Variants in ERBB4 observed in about 807,000 individuals in gnomAD.
The protein encoded by ERBB4 is erb-b2 receptor tyrosine kinase 4, also known as receptor tyrosine-protein kinase erbB-4.
In ERBB4, 42 loss-of-function variants were observed where a neutral mutation model predicts 158.0. That is an observed-to-expected ratio of 0.27 (90% CI 0.21 to 0.34). ERBB4 has a LOEUF of 0.34. Ranked by LOEUF, ERBB4 falls within the 10% of genes least tolerant of loss-of-function variation. ERBB4 has a pLI of 1.00. For synonymous variants in ERBB4, 583 were observed against 558.7 expected (o/e 1.04, Z -0.61); for missense variants, 1,333 against 1,624.1 (o/e 0.82, Z 3.08).
At chr2:212,222,103 G>C (rs1185878313) in intron 1 of ERBB4, among the ~76,000 whole-genome samples, 2 of 151,492 alleles carry the variant, frequency 1.3e-5, no homozygotes, top group Non-Finnish European at 3.0e-5. Context: ...TATATGCTAA[G>C]TATATAAGTG....
intron 1 of ERBB4, among the ~76,000 whole-genome samples, chr2:212,438,818 G>A (rs947053134): frequency 6.6e-6 from 1 of 152,072 alleles, no homozygotes; most frequent in South Asian, 2.1e-4. Flanking sequence ...AAGAATGAAT[G>A]TATAGCAAGA....
intron 1 of ERBB4, among the ~76,000 whole-genome samples, chr2:212,227,088 A>G (rs966085628): frequency 6.6e-6 from 1 of 152,068 alleles, no homozygotes; most frequent in Non-Finnish European, 1.5e-5. Context: ...TCTACTAAAA[A>G]TACAAAAATT....
chr2:211,540,925 T>C (rs1240239655), intron 20 of ERBB4, among the ~76,000 whole-genome samples: 1 of 151,886 alleles, frequency 6.6e-6, no homozygotes, highest in Non-Finnish European at 1.5e-5. Flanking sequence ...ATACAGTATG[T>C]TGTTGTGCTT....
intron 1 of ERBB4, among the ~76,000 whole-genome samples, chr2:212,267,718 T>C (rs2085196574): frequency 6.6e-6 from 1 of 151,546 alleles, no homozygotes; most frequent in African/African-American, 2.4e-5. Context: ...CATTTAACGT[T>C]AGGTGTATCT....
chr2:212,213,529 G>A (rs1329325342), intron 1 of ERBB4, among the ~76,000 whole-genome samples: 1 of 151,818 alleles, frequency 6.6e-6, no homozygotes, highest in East Asian at 1.9e-4. Context: ...GGAAGGAATG[G>A]CTAAGCCCTC....
At chr2:212,197,487 T>C (rs1244780915) in intron 1 of ERBB4, among the ~76,000 whole-genome samples, 1 of 152,176 alleles carries the variant, frequency 6.6e-6, no homozygotes, top group Non-Finnish European at 1.5e-5. Context: ...ATTTTATATA[T>C]GAGGAAACTG....
At chr2:211,442,369 T>C (rs982701280) in intron 20 of ERBB4, among the ~76,000 whole-genome samples, 5 of 134,948 alleles carry the variant, frequency 3.7e-5, no homozygotes, top group African/African-American at 1.4e-4. Flanking sequence ...TGTCCAACTT[T>C]ATCTATAGAC....
At chr2:212,273,669 A>T (rs2085421881) in intron 1 of ERBB4, among the ~76,000 whole-genome samples, 3 of 151,872 alleles carry the variant, frequency 2.0e-5, no homozygotes, top group African/African-American at 7.2e-5. Context: ...TCTATTTTGG[A>T]TCTGTGTCAG....
chr2:212,459,305 T>G lies in ERBB4; in HGVS notation c.82+79144A>C, dbSNP rs558111442. 2.0e-5 allele frequency among the ~76,000 whole-genome samples: 3 copies of G among 152,176 alleles called. No homozygotes were observed. The South Asian group carries it at 6.2e-4, about 32-fold the overall frequency. ...GTCAATTTATTAAGGAAAGTCAGGATGACAATCTTTGGTAATCAAAACTAC... is the reference window on the plus strand; with the variant it reads ...GTCAATTTATTAAGGAAAGTCAGGAGGACAATCTTTGGTAATCAAAACTAC... On this transcript the variant is annotated intron_variant, in intron 1 of 27. Transcript: ENST00000342788.
rs559138107 is a variant in ERBB4, at chr2:211,877,274, G to A, written c.421+70156C>T. ...CAGAATTTATGTGCTGAGGTTGGAT[G>A]AGCAATTAGACAGAACTGTGGGGTC... is the stretch of plus-strand genomic sequence containing the variant. On this transcript the variant is annotated intron_variant, in intron 3 of 27. Transcript: ENST00000342788. Among the ~76,000 whole-genome samples, 7 of 152,328 alleles carry A rather than the reference G, an allele frequency of 4.6e-5. No homozygotes were observed. The East Asian group carries it at 1.3e-3, about 29-fold the overall frequency.
intron 1 of ERBB4, among the ~76,000 whole-genome samples, chr2:212,441,910 G>A (rs968050207): frequency 2.6e-5 from 4 of 152,164 alleles, no homozygotes; most frequent in South Asian, 2.1e-4. Context: ...CTTGACAAAT[G>A]CCTTGTGAAA....
At chr2:212,517,729 G>T (rs76549360) in intron 1 of ERBB4, among the ~76,000 whole-genome samples, 1 of 152,002 alleles carries the variant, frequency 6.6e-6, no homozygotes, top group Non-Finnish European at 1.5e-5. Context: ...TTGATTACAG[G>T]TCACTGACAT....
intron 1 of ERBB4, among the ~76,000 whole-genome samples, chr2:212,322,927 C>G (rs1042759778): frequency 7.1e-6 from 1 of 140,110 alleles, no homozygotes; most frequent in Non-Finnish European, 1.5e-5. Flanking sequence ...AAATGTTATT[C>G]TCCCTAGCCG....
In ERBB4 at chr2:211,744,228, G is replaced by A. The variant is rs562788193; in HGVS notation, c.622+6411C>T. Among the ~76,000 whole-genome samples, 19 of 152,158 alleles carry A rather than the reference G, an allele frequency of 1.2e-4. No homozygotes were observed. In the South Asian group the frequency reaches 2.1e-3, roughly 17 times the overall value. ...CAATGACACAATTAAATTATTTAAC[G>A]TGCAATCAAGCTAACTGTGGCACCC... On this transcript the variant is annotated intron_variant, in intron 5 of 27. Coordinates refer to ENST00000342788, the MANE Select transcript of ERBB4 (RefSeq NM_005235.3).
At chr2:211,488,718 CAA>C (rs1202820707) in intron 20 of ERBB4, among the ~76,000 whole-genome samples, 2 of 152,010 alleles carry the variant, frequency 1.3e-5, no homozygotes, top group Non-Finnish European at 2.9e-5. Context: ...AAAATTTCTA[CAA>C]AAAGAGTCTG....
At chr2:212,522,349 G>T (rs1310938678) in intron 1 of ERBB4, among the ~76,000 whole-genome samples, 2 of 151,852 alleles carry the variant, frequency 1.3e-5, no homozygotes, top group African/African-American at 4.8e-5. Context: ...TGATTTCTTG[G>T]CTTTTTACCA....
At chr2:212,063,922 A>C (rs1228800402) in intron 2 of ERBB4, among the ~76,000 whole-genome samples, 1 of 152,150 alleles carries the variant, frequency 6.6e-6, no homozygotes, top group East Asian at 1.9e-4. Flanking sequence ...CTAAAGCTGG[A>C]GGTGACTTTA....
chr2:211,984,920 C>T (rs1331687185), intron 2 of ERBB4, among the ~76,000 whole-genome samples: 3 of 151,904 alleles, frequency 2.0e-5, no homozygotes, highest in Non-Finnish European at 2.9e-5. Context: ...TTAGTGGAGA[C>T]GGGGTTTCAC....
chr2:211,468,835 G>T (rs200104982), intron 20 of ERBB4, among the ~76,000 whole-genome samples: 1 of 50,830 alleles, frequency 2.0e-5, no homozygotes, highest in Non-Finnish European at 4.3e-5. Flanking sequence ...TCCTGCAGAA[G>T]AATAACAACA....
Sources: allele counts gnomAD v4.1 joint callset (sites outside exome capture counted in the v4.1 genomes callset), GRCh38; gene constraint gnomAD v4.1.1; transcripts MANE v1.5; gene names NCBI Gene and HGNC (gene_info 2026-07-23, HGNC 2026-07-21).